Variants in ACP4 observed in about 807,000 individuals in gnomAD.
The protein encoded by ACP4 is acid phosphatase 4, also known as testicular acid phosphatase.
Under a neutral mutation model 47.3 loss-of-function variants are expected in ACP4, and 49 were observed. The observed-to-expected ratio is 1.04, with a 90% CI of 0.82 to 1.32. ACP4 has a LOEUF of 1.32. Among genes scored for constraint, ACP4 ranks in the 40% most tolerant of loss-of-function variants. The probability of loss-of-function intolerance (pLI) is 0.00; values close to 1 mark genes in which losing one functional copy is unlikely to be tolerated. For synonymous variants in ACP4, 299 were observed against 265.3 expected, an observed-to-expected ratio of 1.13 and a Z score of -1.23; for missense variants, 594 against 579.3, an observed-to-expected ratio of 1.03 and a Z score of -0.26.
chr19:50,794,848 TC>T lies in ACP4; in HGVS notation c.1053del (p.Cys353AlafsTer7). The T allele has an allele frequency of 6.2e-7, 1 of 1,613,520 alleles. No individual in the cohort carries two copies. On this transcript the variant is annotated frameshift_variant, in exon 10 of 11. Transcript: ENST00000270593. LOFTEE classifies it high-confidence loss of function. ...GCCCACCTGCCCCTGCCTCTCAGCC[TC>T]CCCGGGTGCCCGGCCCCCTGTCCAC... is the stretch of plus-strand genomic sequence containing the variant. ...DSAHLPLPLS[L>X]PGCPAPCPLG... is the part of the protein sequence containing the mutation.
Position 50,795,204 on chromosome 19 carries a change from A to G in ACP4, c.*46A>G. 2.0e-6 allele frequency: 3 copies of G among 1,465,012 alleles called. No homozygotes were observed. The highest frequency in any genetic ancestry group is 2.7e-6 in the Non-Finnish European group (3 of 1,094,608). The allele number at this position is 1,465,012 out of a possible 1,614,324, so 90.8% of individuals were successfully genotyped here. ...TACCCCCAGCTGACACTGGACCCCA[A>G]CATGTATGCTCAGTAGCTGCTCTGG... On this transcript the variant is annotated 3_prime_UTR_variant, in exon 11 of 11. Coordinates refer to ENST00000270593, the MANE Select transcript of ACP4 (RefSeq NM_033068.3).
intron 6 of ACP4, 110 bp downstream of exon 6, chr19:50,792,447 A>C: frequency 1.8e-6 from 2 of 1,141,844 alleles, no homozygotes; most frequent in Non-Finnish European, 2.5e-6. Context: ...TCTGTGCCTC[A>C]GTTTTCCCAT....
Position 50,794,778 on chromosome 19 carries a change from C to G in ACP4, c.987-8C>G. ...GGGAGGAGGTGCCACCATGTCCTCTCTCTCCAGGAATGTCACCGTCTCCCT... is the reference window on the plus strand; with the variant it reads ...GGGAGGAGGTGCCACCATGTCCTCTGTCTCCAGGAATGTCACCGTCTCCCT... On this transcript the variant is annotated splice_region_variant and splice_polypyrimidine_tract_variant and intron_variant, in intron 9 of 10. Transcript: ENST00000270593. 2 of 1,590,810 alleles carry G rather than the reference C, an allele frequency of 1.3e-6. No individual in the cohort carries two copies. Among genetic ancestry groups the G allele is most frequent in the Non-Finnish European group, 1.7e-6 (2 of 1,165,630 alleles).
In ACP4 at chr19:50,790,684, G is replaced by A; in HGVS notation, c.202G>A (p.Gly68Ser). The A allele has an allele frequency of 6.5e-7, 1 of 1,543,472 alleles. No individual in the cohort carries two copies. The highest frequency in any genetic ancestry group is 2.5e-5 in the East Asian group (1 of 40,242). Reference protein sequence around the residue: ...VASTLWPRGLGQLTTEGVRQQ... With the variant: ...VASTLWPRGLSQLTTEGVRQQ... ...CTCCACCCTGTGGCCACGAGGCCTG[G>A]GCCAGCTGACCACGGTGAGAAGCGG... is the stretch of plus-strand genomic sequence containing the variant. Residue 68 changes from glycine to serine, a missense_variant, in exon 2 of 11, where the codon GGC (glycine) becomes AGC (serine). Transcript: ENST00000270593.
At chr19:50,792,036 C>T in intron 4 of ACP4, 37 bp from the exon 5 acceptor site, 1 of 1,538,878 alleles carries the variant, frequency 6.5e-7, no homozygotes, top group Non-Finnish European at 8.8e-7. Flanking sequence ...CAAGGCAAGG[C>T]ACACGGCTGT....
Position 50,794,467 on chromosome 19 carries a change from C to A in ACP4, c.872C>A (p.Thr291Asn), listed in dbSNP as rs750279023. The change falls in exon 9 of 11, where the codon ACC becomes AAC. Residue 291 changes from threonine to asparagine, a missense_variant. By Grantham distance (65) the Thr-to-Asn change is moderately conservative. Coordinates refer to ENST00000270593, the MANE Select transcript of ACP4 (RefSeq NM_033068.3). ...CGGGTCCACCTGCAGCATGACAGCA[C>A]CCTGCTGGCCCTCCAGGGGGCCCTG... ...KMVMYSAHDS[T>N]LLALQGALGL... 6 of 1,613,602 alleles carry A rather than the reference C, an allele frequency of 3.7e-6. No individual in the cohort carries two copies. Among genetic ancestry groups the A allele is most frequent in the Non-Finnish European group, 5.1e-6 (6 of 1,179,954 alleles).
At position 50,794,957 on chromosome 19, in the gene ACP4, C is replaced by A. The variant is rs762058924; in HGVS notation, c.1158C>A (p.Ile386=). The A allele has an allele frequency of 1.2e-6, 2 of 1,612,750 alleles. No homozygotes were observed. The highest frequency in any genetic ancestry group is 1.3e-5 in the African/African-American group (1 of 75,048). The stretch of plus-strand genomic sequence containing the variant: ...GCCATGGCCCCTATGAGGCTGCCAT[C>A]CCCCCAGGTGACAGTCCTCTGTGTT... ...VSCHGPYEAA[I]PPAPVVPLLA... Residue 386 remains isoleucine (I), a synonymous_variant, in exon 10 of 11, where the codon ATC becomes ATA. Coordinates refer to ENST00000270593, the MANE Select transcript of ACP4 (RefSeq NM_033068.3).
intron 6 of ACP4, 46 bp from the exon 7 acceptor site, chr19:50,793,638 C>A (rs1435607209): frequency 1.0e-5 from 16 of 1,598,060 alleles, no homozygotes; most frequent in African/African-American, 1.3e-5. Flanking sequence ...GGGCCAGAGG[C>A]AAACTCGAGG....
intron 4 of ACP4, 21 bp downstream of exon 4, chr19:50,791,823 T>A: frequency 6.4e-7 from 1 of 1,573,414 alleles, no homozygotes; most frequent in Admixed American, 1.8e-5. Flanking sequence ...TGGACCCACG[T>A]GTGGCGAGGG....
rs374345609 is a variant in ACP4 at position 50,793,550 on chromosome 19, C to G, written c.646-134C>G. 5.4e-6 allele frequency: 7 copies of G among 1,287,966 alleles called. No individual in the cohort carries two copies. In the East Asian group the frequency reaches 9.6e-5, roughly 18 times the overall value. 79.8% of individuals were successfully genotyped at this position (1,287,966 alleles called of 1,614,324 possible). A position where few individuals can be genotyped will look rare whatever the true frequency, so the allele number is the denominator to read the frequency against. On this transcript the variant is annotated intron_variant, in intron 6 of 10. Transcript: ENST00000270593. Reference sequence around the variant, plus strand: ...ACAACAACAAAAAAACACTGTTATCCACATCATGATTTCCCAGCCAGATCC... The same window carrying G: ...ACAACAACAAAAAAACACTGTTATCGACATCATGATTTCCCAGCCAGATCC...
rs763827263 is a variant in ACP4 at position 50,790,468 on chromosome 19, G to C, written c.54G>C (p.Leu18=). ...GHPAGPLLLL[L]LLVLPPRALP... ...CTGCTGGACCTCTCCTGCTGCTGCT[G>C]CTGCTGGTGCTGCCACCCCGGGCCC... The change falls in exon 1 of 11, where the codon CTG becomes CTC. Residue 18 remains leucine (L), a synonymous_variant. Coordinates refer to ENST00000270593, the MANE Select transcript of ACP4 (RefSeq NM_033068.3). 2 of 1,572,372 alleles carry C rather than the reference G, an allele frequency of 1.3e-6. No homozygotes were observed. The highest frequency in any genetic ancestry group is 1.7e-6 in the Non-Finnish European group (2 of 1,162,058).
At position 50,791,655 on chromosome 19, in the gene ACP4, G is replaced by A; in HGVS notation, c.304-1G>A. The A allele has an allele frequency of 1.9e-6, 3 of 1,609,542 alleles. No homozygotes were observed. On this transcript the variant is annotated splice_acceptor_variant, in intron 3 of 10. Transcript: ENST00000270593. LOFTEE classifies it high-confidence loss of function. Reference sequence around the variant, plus strand: ...CGTGCCCTCTCTCCACCCCGCTCCAGGTGTACATCCGCAGCACGGACTTTG... The same window carrying A: ...CGTGCCCTCTCTCCACCCCGCTCCAAGTGTACATCCGCAGCACGGACTTTG...
chr19:50,794,672 G>A lies in ACP4; in HGVS notation c.986+91G>A, dbSNP rs893915493. ...CAGGCAGAGGGCATGGCCAGGTGGGGAGCTGCATGGGATGATGCTGGGAGG... is the reference window on the plus strand; with the variant it reads ...CAGGCAGAGGGCATGGCCAGGTGGGAAGCTGCATGGGATGATGCTGGGAGG... On this transcript the variant is annotated intron_variant, in intron 9 of 10. Transcript: ENST00000270593. 3 of 1,601,388 alleles carry A rather than the reference G, an allele frequency of 1.9e-6. No homozygotes were observed. In the Admixed American group the frequency reaches 5.0e-5, roughly 27 times the overall value.
rs776464916 is a variant in ACP4, at chr19:50,792,359, C to T, written c.645+22C>T. 13 of 1,610,424 alleles carry T rather than the reference C, an allele frequency of 8.1e-6. No homozygotes were observed. The Admixed American group carries it at 2.2e-4, about 27-fold the overall frequency. On this transcript the variant is annotated intron_variant, in intron 6 of 10. Coordinates refer to ENST00000270593, the MANE Select transcript of ACP4 (RefSeq NM_033068.3). ...CCAGGTGAGCCCTGCCCCTTCCCAG[C>T]CAAGGGTTTAAGGACACCTGTTTCC...
Position 50,790,502 on chromosome 19 carries a change from G to A in ACP4, c.88G>A (p.Gly30Arg). The A allele has an allele frequency of 6.4e-7, 1 of 1,553,694 alleles. No individual in the cohort carries two copies. The highest frequency in any genetic ancestry group is 8.7e-7 in the Non-Finnish European group (1 of 1,150,866). ...LVLPPRALPE[G>R]PLVFVALVFR... ...GCTGCCACCCCGGGCCCTGCCAGAA[G>A]GACCCCTGGTGTTCGTGGCTCTGGT... The change falls in exon 1 of 11, where the codon GGA (glycine) becomes AGA (arginine). Residue 30 changes from glycine to arginine, a missense_variant. Coordinates refer to ENST00000270593, the MANE Select transcript of ACP4 (RefSeq NM_033068.3).
chr19:50,792,466 T>G, intron 6 of ACP4, 129 bp downstream of exon 6: 2 of 913,224 alleles, frequency 2.2e-6, no homozygotes, highest in Non-Finnish European at 3.3e-6. Context: ...ATCTGCACAG[T>G]GGGGATGGCA....
At chr19:50,793,157 C>G (rs988821940) in intron 6 of ACP4, 2 of 157,494 alleles carry the variant, frequency 1.3e-5, no homozygotes, top group South Asian at 3.8e-4. Flanking sequence ...TACCTCTGGC[C>G]CCAGGGGTTT....
At chr19:50,794,996 AG>A (rs749023089) in intron 10 of ACP4, 32 bp downstream of exon 10, 29 of 1,613,110 alleles carry the variant, frequency 1.8e-5, no homozygotes, top group Non-Finnish European at 2.5e-5. Context: ...GTGGGAGTGG[AG>A]GGTTGCCAAG....
intron 6 of ACP4, 94 bp downstream of exon 6, chr19:50,792,431 T>C (rs2089518545): frequency 6.2e-6 from 8 of 1,286,270 alleles, no homozygotes; most frequent in Non-Finnish European, 8.6e-6. Context: ...GGCATGTAGT[T>C]AATCCTCTGT....
Sources: gnomAD v4.1 joint callset for allele counts on GRCh38, gnomAD v4.1.1 for gene constraint, MANE v1.5 for transcripts, NCBI Gene and HGNC (gene_info 2026-07-23, HGNC 2026-07-21) for gene names.